TMEM135: variants seen among roughly 807,000 people sequenced by gnomAD.
TMEM135 encodes the protein peroxisomal membrane protein 52.
In TMEM135, 30 loss-of-function variants were observed where a neutral mutation model predicts 60.3. The observed-to-expected ratio is 0.50, with a 90% CI of 0.37 to 0.68. The LOEUF (loss-of-function observed/expected upper bound fraction) is 0.68, where lower values mean the gene tolerates loss of function less well. Ranked by LOEUF, TMEM135 falls within the 30% of genes least tolerant of loss-of-function variation. TMEM135 has a pLI of 0.00. For missense variants in TMEM135, 468 were observed against 548.8 expected, an observed-to-expected ratio of 0.85 and a Z score of 1.47; for synonymous variants, 190 against 186.7, an observed-to-expected ratio of 1.02 and a Z score of -0.14.
chr11:87,089,732 T>C (rs1857167490), intron 3 of TMEM135, among the ~76,000 whole-genome samples: 1 of 152,190 alleles, frequency 6.6e-6, no homozygotes, highest in Non-Finnish European at 1.5e-5. Context: ...TGGATGTTAA[T>C]GTTACCCTAA....
At chr11:87,235,486 T>A (rs1396889844) in intron 5 of TMEM135, among the ~76,000 whole-genome samples, 2 of 152,024 alleles carry the variant, frequency 1.3e-5, no homozygotes, top group Non-Finnish European at 2.9e-5. Flanking sequence ...ACAGCAAACT[T>A]GTCAAGCTTG....
intron 5 of TMEM135, among the ~76,000 whole-genome samples, chr11:87,227,174 T>G (rs1396529932): frequency 1.3e-5 from 2 of 152,134 alleles, no homozygotes; most frequent in African/African-American, 4.8e-5. Context: ...TTTTATTTTC[T>G]TGGTGTATAC....
At chr11:87,055,639 G>C (rs1037788539) in intron 1 of TMEM135, among the ~76,000 whole-genome samples, 2 of 150,408 alleles carry the variant, frequency 1.3e-5, no homozygotes, top group Non-Finnish European at 2.9e-5. Context: ...TGCCTAGGCT[G>C]GAGTGCAATA....
At chr11:87,144,416 C>A (rs570665882) in intron 4 of TMEM135, among the ~76,000 whole-genome samples, 1 of 152,252 alleles carries the variant, frequency 6.6e-6, no homozygotes, top group African/African-American at 2.4e-5. Flanking sequence ...CAGCCATAGA[C>A]AATAGGTAAA....
chr11:87,132,523 A>C (rs1043269638), intron 4 of TMEM135, among the ~76,000 whole-genome samples: 2 of 152,166 alleles, frequency 1.3e-5, no homozygotes, highest in Non-Finnish European at 2.9e-5. Flanking sequence ...GATTCATTGT[A>C]GTATAACACT....
intron 3 of TMEM135, among the ~76,000 whole-genome samples, chr11:87,082,999 T>TA (rs1857023209): frequency 6.6e-6 from 1 of 152,242 alleles, no homozygotes. Flanking sequence ...AATACATAGA[T>TA]AAAGATCTAT....
chr11:87,123,587 G>A (rs1386046712), intron 4 of TMEM135, among the ~76,000 whole-genome samples: 4 of 150,150 alleles, frequency 2.7e-5, no homozygotes, highest in Non-Finnish European at 5.9e-5. Flanking sequence ...TCATTTGTGG[G>A]GACAATATTC....
Position 87,059,307 on chromosome 11 carries a change from C to CT in TMEM135, c.142-8372dup, listed in dbSNP as rs774797136. On this transcript the variant is annotated intron_variant, in intron 1 of 14. Coordinates refer to ENST00000305494, the MANE Select transcript of TMEM135 (RefSeq NM_022918.4). ...TACTTTAGTTCTGTTGTTTGAAGTT[C>CT]TTTTTTTTTTTTTTTGAGATGGAGT... 6.1e-3 allele frequency among the ~76,000 whole-genome samples: 823 copies of CT among 134,608 alleles called. 5 individuals carry two copies. The highest frequency in any genetic ancestry group is 8.8e-3 in the Non-Finnish European group (546 of 62,398). The allele number at this position is 134,608 out of a possible 152,430, so 88.3% of individuals were successfully genotyped here. A position where few individuals can be genotyped will look rare whatever the true frequency, so the allele number is the denominator to read the frequency against.
At position 87,302,253 on chromosome 11, in the gene TMEM135, A is replaced by AT; in HGVS notation, c.552-38dup. 3 of 1,600,900 alleles carry AT rather than the reference A, an allele frequency of 1.9e-6. No individual in the cohort carries two copies. The South Asian group carries it at 3.4e-5, about 18-fold the overall frequency. On this transcript the variant is annotated intron_variant, in intron 7 of 14. Coordinates refer to ENST00000305494, the MANE Select transcript of TMEM135 (RefSeq NM_022918.4). The stretch of plus-strand genomic sequence containing the variant: ...AGTCTTTTTTTTTTCCTCATTGACT[A>AT]TTTTTAAGTGAAAAATGCCTCACAT...
chr11:87,215,696 C>G (rs502427), intron 5 of TMEM135, among the ~76,000 whole-genome samples: 1 of 152,080 alleles, frequency 6.6e-6, no homozygotes, highest in Admixed American at 6.5e-5. Context: ...ATCTCTGTCT[C>G]TAGGAGTGGA....
chr11:87,251,524 AT>A (rs2135391607), intron 6 of TMEM135, among the ~76,000 whole-genome samples: 1 of 152,268 alleles, frequency 6.6e-6, no homozygotes, highest in Non-Finnish European at 1.5e-5. Context: ...GGCTTTGAGG[AT>A]TGAATACGAC....
At chr11:87,315,687 C>G (rs148318877) in intron 12 of TMEM135, among the ~76,000 whole-genome samples, 1 of 152,006 alleles carries the variant, frequency 6.6e-6, no homozygotes, top group African/African-American at 2.4e-5. Flanking sequence ...TATTTGGTTA[C>G]TCTGAAATAC....
intron 6 of TMEM135, among the ~76,000 whole-genome samples, chr11:87,293,506 C>T (rs894957842): frequency 6.6e-6 from 1 of 152,074 alleles, no homozygotes; most frequent in Admixed American, 6.6e-5. Flanking sequence ...AACTTCCCTC[C>T]CCTCACTCCC....
At chr11:87,140,854 C>A (rs752793315) in intron 4 of TMEM135, among the ~76,000 whole-genome samples, 2 of 152,028 alleles carry the variant, frequency 1.3e-5, no homozygotes, top group Non-Finnish European at 2.9e-5. Context: ...TTGGAAATTC[C>A]GTTGTTTCAC....
intron 3 of TMEM135, 70 bp downstream of exon 3, chr11:87,071,685 T>G (rs397833577): frequency 8.0e-5 from 94 of 1,168,086 alleles, no homozygotes; most frequent in East Asian, 9.8e-5. Flanking sequence ...TTTTTTTTTT[T>G]TTAATTATCA....
intron 3 of TMEM135, among the ~76,000 whole-genome samples, chr11:87,078,100 G>A (rs112488492): frequency 4.6e-5 from 7 of 152,286 alleles, no homozygotes; most frequent in African/African-American, 1.7e-4. Context: ...ATGTACTCAG[G>A]AATGGAATTG....
chr11:87,158,307 G>A (rs930459416), intron 5 of TMEM135, among the ~76,000 whole-genome samples: 7 of 152,056 alleles, frequency 4.6e-5, no homozygotes, highest in African/African-American at 1.7e-4. Context: ...ATTTAGTAGT[G>A]GAAGTGAGTA....
At chr11:87,253,309 C>G (rs1941457901) in intron 6 of TMEM135, among the ~76,000 whole-genome samples, 1 of 152,042 alleles carries the variant, frequency 6.6e-6, no homozygotes, top group South Asian at 2.1e-4. Context: ...CAGCATGAAC[C>G]TAAAATGCGA....
chr11:87,302,592 T>C, intron 8 of TMEM135, 150 bp downstream of exon 8: 1 of 952,374 alleles, frequency 1.1e-6, no homozygotes, highest in Non-Finnish European at 1.6e-6. Flanking sequence ...AGGCACACAA[T>C]GGCAAGTGAA....
Sources: allele counts gnomAD v4.1 joint callset (sites outside exome capture counted in the v4.1 genomes callset), GRCh38; gene constraint gnomAD v4.1.1; transcripts MANE v1.5; gene names NCBI Gene and HGNC (gene_info 2026-07-23, HGNC 2026-07-21).